Variants in SMARCA2 observed in about 807,000 individuals in gnomAD.
The protein encoded by SMARCA2 is SWI/SNF-related matrix-associated actin-dependent regulator of chromatin subfamily A member 2.
SMARCA2 carries 61 observed loss-of-function variants against 199.8 expected under a neutral mutation model. That is an observed-to-expected ratio of 0.31 (90% CI 0.25 to 0.38). The LOEUF is 0.38. SMARCA2 is among the 10% of genes least tolerant of loss of function. SMARCA2 has a pLI of 1.00. For synonymous variants in SMARCA2, 935 were observed against 732.0 expected (o/e 1.28, Z -4.48); for missense variants, 1,344 against 2,012.2 (o/e 0.67, Z 6.35).
chr9:2,153,508 C>G (rs1454159891), intron 27 of SMARCA2, among the ~76,000 whole-genome samples: 1 of 152,042 alleles, frequency 6.6e-6, no homozygotes, highest in African/African-American at 2.4e-5. Context: ...TGCACTCCAG[C>G]CTGGGTAACA....
intron 23 of SMARCA2, among the ~76,000 whole-genome samples, chr9:2,109,882 G>T (rs1485580401): frequency 6.6e-6 from 1 of 152,082 alleles, no homozygotes; most frequent in East Asian, 1.9e-4. Flanking sequence ...AAGTGCACGT[G>T]TGTGTGTGTG....
Position 2,078,438 on chromosome 9 carries a change from C to T in SMARCA2, c.2184+662C>T, listed in dbSNP as rs371196319. Among the ~76,000 whole-genome samples, 7 of 151,934 alleles carry T rather than the reference C, an allele frequency of 4.6e-5. No homozygotes were observed. The East Asian group carries it at 9.7e-4, about 21-fold the overall frequency. ...AGTGAGCCAAGATCTTAGCACTGCA[C>T]TCCAGCCTGGGTGACAAAGTGAAAC... is the stretch of plus-strand genomic sequence containing the variant. On this transcript the variant is annotated intron_variant, in intron 14 of 33. Transcript: ENST00000349721.
chr9:2,064,999 A>G (rs1467332093), intron 9 of SMARCA2, among the ~76,000 whole-genome samples: 1 of 152,208 alleles, frequency 6.6e-6, no homozygotes, highest in Non-Finnish European at 1.5e-5. Flanking sequence ...CCTGGCTAAC[A>G]TGTTGAAACC....
chr9:2,156,396 A>G (rs79055069), intron 27 of SMARCA2, among the ~76,000 whole-genome samples: 1,709 of 144,800 alleles, frequency 0.012, 32 homozygotes, highest in African/African-American at 0.042. Context: ...AAAATACCAT[A>G]AAGTTTACCA....
chr9:2,077,542 T>C, intron 13 of SMARCA2, 87 bp from the exon 14 acceptor site: 3 of 1,303,402 alleles, frequency 2.3e-6, no homozygotes, highest in Non-Finnish European at 3.3e-6. Context: ...GCAGCTATTT[T>C]AGGTTCTCAA....
In SMARCA2 at chr9:2,170,448, C is replaced by T. The variant is rs764781379; in HGVS notation, c.4229C>T (p.Ser1410Phe). The change falls in exon 29 of 34, where the codon TCT (serine) becomes TTT (phenylalanine). Residue 1410 changes from serine to phenylalanine, a missense_variant. By Grantham distance (155) the Ser-to-Phe change is radical (BLOSUM62 -2). Transcript: ENST00000349721. This position sits in a 1 kb window ranked among gnomAD's most constrained non-coding sequence, Gnocchi z 4.7. ...AACGTGGAGAAGGTGCCCAGTAATTCTCAGTTGGAAATAGAAGGAAACAGG... is the reference window on the plus strand; with the variant it reads ...AACGTGGAGAAGGTGCCCAGTAATTTTCAGTTGGAAATAGAAGGAAACAGG... ...RCNVEKVPSN[S>F]QLEIEGNSSG... The T allele has an allele frequency of 7.4e-6, 12 of 1,613,980 alleles. No homozygotes were observed. In the South Asian group the frequency reaches 1.3e-4, roughly 18 times the overall value.
At chr9:2,040,616 C>G (rs1819563479) in intron 4 of SMARCA2, 1 of 152,282 alleles carries the variant, frequency 6.6e-6, no homozygotes, top group African/African-American at 2.4e-5. Flanking sequence ...AGTTGATTTC[C>G]CAGGTGAGAT....
At chr9:2,093,691 T>C (rs937153766) in intron 19 of SMARCA2, among the ~76,000 whole-genome samples, 3 of 152,194 alleles carry the variant, frequency 2.0e-5, no homozygotes, top group African/African-American at 7.2e-5. Flanking sequence ...AGATGAACAA[T>C]GGGAAAAAGG....
chr9:2,095,990 C>T (rs1464172745), intron 19 of SMARCA2, among the ~76,000 whole-genome samples: 6 of 152,160 alleles, frequency 3.9e-5, no homozygotes, highest in African/African-American at 1.4e-4. Context: ...TTCCCCTTAA[C>T]TTTTTAAAAT....
At chr9:2,040,047 A>T (rs2130251848) in intron 4 of SMARCA2, 147 bp downstream of exon 4, 1 of 1,414,402 alleles carries the variant, frequency 7.1e-7, no homozygotes, top group South Asian at 1.4e-5. Flanking sequence ...CTCCACTTAG[A>T]TGGCCAAGAT....
rs1256201273 is a variant in SMARCA2 at position 2,103,661 on chromosome 9, T to TGTGA, written c.3126-341_3126-340insTGAG. Among the ~76,000 whole-genome samples the TGTGA allele has an allele frequency of 3.4e-3, 490 of 142,328 alleles. 1 individual carries two copies. The highest frequency in any genetic ancestry group is 0.012 in the African/African-American group (444 of 36,356). 93.4% of individuals were successfully genotyped at this position (142,328 alleles called of 152,430 possible). A position where few individuals can be genotyped will look rare whatever the true frequency, so the allele number is the denominator to read the frequency against. ...GTGTGTACGTGTGTGTGTGTGTGTG[T>TGTGA]GAGAGAGAGAGAGAGAGAGAGAGAG... On this transcript the variant is annotated intron_variant, in intron 22 of 33. Coordinates refer to ENST00000349721, the MANE Select transcript of SMARCA2 (RefSeq NM_003070.5).
At chr9:2,107,119 A>T (rs920589770) in intron 23 of SMARCA2, among the ~76,000 whole-genome samples, 6 of 151,796 alleles carry the variant, frequency 4.0e-5, no homozygotes, top group Non-Finnish European at 8.8e-5. Context: ...AACAAAAAAA[A>T]TTTGTTAAAT....
intron 24 of SMARCA2, among the ~76,000 whole-genome samples, chr9:2,114,396 T>C (rs1823131170): frequency 6.6e-6 from 1 of 152,246 alleles, no homozygotes; most frequent in African/African-American, 2.4e-5. Flanking sequence ...GGGCAGCCTT[T>C]TGTCTGCTGC....
intron 9 of SMARCA2, among the ~76,000 whole-genome samples, chr9:2,066,340 C>T (rs780642165): frequency 4.6e-5 from 7 of 152,146 alleles, no homozygotes; most frequent in East Asian, 1.9e-4. Flanking sequence ...TCAGCTTACA[C>T]GGGATTTTCA....
At chr9:2,183,634 CAA>C (rs67003169) in intron 31 of SMARCA2, among the ~76,000 whole-genome samples, 118,171 of 151,562 alleles carry the variant, frequency 0.78, 46,613 homozygotes, top group African/African-American at 0.89. Flanking sequence ...AGTCATCAAA[CAA>C]AGGAATAGAG....
At position 2,035,246 on chromosome 9, in the gene SMARCA2, T is replaced by A. The variant is rs371701664; in HGVS notation, c.355+2165T>A. ...TAATAGAGACAGGGTTTCACCATGT[T>A]GCCCAGGCTGGTCTTTGAACTCCTG... On this transcript the variant is annotated intron_variant, in intron 3 of 33. Coordinates refer to ENST00000349721, the MANE Select transcript of SMARCA2 (RefSeq NM_003070.5). Among the ~76,000 whole-genome samples the A allele has an allele frequency of 3.3e-5, 5 of 152,222 alleles. No individual in the cohort carries two copies. The East Asian group carries it at 7.7e-4, about 24-fold the overall frequency.
At position 2,087,081 on chromosome 9, in the gene SMARCA2, T is replaced by C. The variant is rs749390560; in HGVS notation, c.2769+10T>C. Reference sequence around the variant, plus strand: ...CATGACTGGTGAAAGGGTACTGGTCTGAGTTCTGTTTTTTCCACTGCATGA... The same window carrying C: ...CATGACTGGTGAAAGGGTACTGGTCCGAGTTCTGTTTTTTCCACTGCATGA... On this transcript the variant is annotated intron_variant, in intron 18 of 33. Transcript: ENST00000349721. The C allele has an allele frequency of 1.9e-6, 3 of 1,613,822 alleles. No individual in the cohort carries two copies. The African/African-American group carries it at 4.0e-5, about 22-fold the overall frequency.
intron 27 of SMARCA2, chr9:2,160,139 G>A (rs1375557909): frequency 1.8e-6 from 1 of 550,260 alleles, no homozygotes; most frequent in Non-Finnish European, 3.2e-6. Flanking sequence ...TCTTCGCTTA[G>A]CTGCAGTGTG....
At chr9:2,177,766 G>A (rs1050963153) in intron 29 of SMARCA2, among the ~76,000 whole-genome samples, 1 of 152,038 alleles carries the variant, frequency 6.6e-6, no homozygotes, top group African/African-American at 2.4e-5. Context: ...TGGTCAGGCT[G>A]GTCTCGAACT....
Sources: allele counts gnomAD v4.1 joint callset (sites outside exome capture counted in the v4.1 genomes callset), GRCh38; gene constraint gnomAD v4.1.1; non-coding constraint Gnocchi (gnomAD v3.1); transcripts MANE v1.5; gene names NCBI Gene and HGNC (gene_info 2026-07-23, HGNC 2026-07-21).